SPTBN4: variants seen among roughly 807,000 people sequenced by gnomAD.
The protein encoded by SPTBN4 is spectrin beta chain, non-erythrocytic 4.
SPTBN4 carries 96 observed loss-of-function variants against 277.8 expected under a neutral mutation model. The observed-to-expected ratio is 0.35, with a 90% CI of 0.29 to 0.41. The LOEUF is 0.41. SPTBN4 is among the 10% of genes least tolerant of loss of function. The pLI is 1.00. For synonymous variants in SPTBN4, 1,481 were observed against 1,580.3 expected (o/e 0.94, Z 1.49); for missense variants, 3,006 against 3,595.7 (o/e 0.84, Z 4.19).
At chr19:40,565,640 C>G in intron 28 of SPTBN4, 21 bp from the exon 29 acceptor site, 1 of 1,554,902 alleles carries the variant, frequency 6.4e-7, no homozygotes, top group South Asian at 1.2e-5. Flanking sequence ...GACTTCCCTC[C>G]CACCCACCTG....
chr19:40,560,580 C>A lies in SPTBN4; in HGVS notation c.5915+177C>A, dbSNP rs1447385550. On this transcript the variant is annotated intron_variant, in intron 27 of 35. Transcript: ENST00000598249. The surrounding 1 kb of genome is among the most constrained non-coding windows in gnomAD (Gnocchi z 5.2). ...TGTGTATTCAGACCCCTTTTTTAGG[C>A]CTGTCATTGGGGACTTCGGTCATGG... 11 of 1,475,422 alleles carry A rather than the reference C, an allele frequency of 7.5e-6. No individual in the cohort carries two copies. Among genetic ancestry groups the A allele is most frequent in the South Asian group, 1.4e-5 (1 of 72,350 alleles). The allele number at this position is 1,475,422 out of a possible 1,614,324, so 91.4% of individuals were successfully genotyped here. A position where few individuals can be genotyped will look rare whatever the true frequency, so the allele number is the denominator to read the frequency against.
intron 1 of SPTBN4, among the ~76,000 whole-genome samples, chr19:40,469,482 C>A (rs569862594): frequency 6.6e-6 from 1 of 151,800 alleles, no homozygotes; most frequent in East Asian, 1.9e-4. Context: ...CCAGGCTGGT[C>A]TTGAACTCCT....
In SPTBN4 at chr19:40,502,459, T is replaced by A; in HGVS notation, c.1155T>A (p.Arg385=). The change falls in exon 10 of 36, where the codon CGT becomes CGA. Residue 385 remains arginine, a synonymous_variant. Coordinates refer to ENST00000598249, the MANE Select transcript of SPTBN4 (RefSeq NM_020971.3). This position sits in a 1 kb window ranked among gnomAD's most constrained non-coding sequence, Gnocchi z 4.9. ...SIQSKLRACN[R]RLFVPREGCG... ...AGAGCAAACTGCGTGCCTGCAACCG[T>A]CGCCTCTTTGTGCCTCGGGAGGGCT... 6.2e-7 allele frequency: 1 copy of A among 1,613,662 alleles called. No homozygotes were observed. Among genetic ancestry groups the A allele is most frequent in the Non-Finnish European group, 8.5e-7 (1 of 1,179,978 alleles).
chr19:40,550,613 CT>C (rs992419970), intron 22 of SPTBN4, among the ~76,000 whole-genome samples: 1 of 151,448 alleles, frequency 6.6e-6, no homozygotes, highest in African/African-American at 2.4e-5. Flanking sequence ...AGCGATTCTC[CT>C]GCCTCAGCCA....
chr19:40,568,241 C>A lies in SPTBN4; in HGVS notation c.6915C>A (p.Ser2305=). The A allele has an allele frequency of 6.2e-7, 1 of 1,601,922 alleles. No individual in the cohort carries two copies. Among genetic ancestry groups the A allele is most frequent in the Non-Finnish European group, 8.5e-7 (1 of 1,174,774 alleles). The change falls in exon 31 of 36, where the codon TCC becomes TCA. Residue 2305 remains serine (S), a synonymous_variant. Coordinates refer to ENST00000598249, the MANE Select transcript of SPTBN4 (RefSeq NM_020971.3). Reference sequence around the variant, plus strand: ...AGCGGCGCTTGGAGCGGCAGGAGTCCAGCGAACAGGAGATGCCCATCAGAG... The same window carrying A: ...AGCGGCGCTTGGAGCGGCAGGAGTCAAGCGAACAGGAGATGCCCATCAGAG... ...RRERRLERQE[S]SEQEMPIRGD... is the part of the protein sequence containing the mutation.
At chr19:40,478,059 C>T (rs201693822) in intron 2 of SPTBN4, among the ~76,000 whole-genome samples, 5 of 151,894 alleles carry the variant, frequency 3.3e-5, no homozygotes, top group African/African-American at 9.7e-5. Context: ...AGGCTGGTCT[C>T]GAACTCCTGA....
intron 13 of SPTBN4, among the ~76,000 whole-genome samples, chr19:40,506,669 C>T (rs546461791): frequency 6.6e-5 from 10 of 152,246 alleles, no homozygotes; most frequent in South Asian, 4.1e-4. Context: ...TTGATCTCAA[C>T]GAATACCATT....
chr19:40,563,184 C>G lies in SPTBN4; in HGVS notation c.5916-2239C>G, dbSNP rs554841217. ...CCATGATTATGCCATTTCACTCCAGCCTGGGTGACAGAGCGAGATTCTGTC... is the reference window on the plus strand; with the variant it reads ...CCATGATTATGCCATTTCACTCCAGGCTGGGTGACAGAGCGAGATTCTGTC... On this transcript the variant is annotated intron_variant, in intron 27 of 35. Transcript: ENST00000598249. 7.9e-5 allele frequency among the ~76,000 whole-genome samples: 12 copies of G among 152,162 alleles called. No homozygotes were observed. In the South Asian group the frequency reaches 2.3e-3, roughly 29 times the overall value.
chr19:40,472,009 C>T (rs1049743553), intron 1 of SPTBN4, among the ~76,000 whole-genome samples: 1 of 150,384 alleles, frequency 6.6e-6, no homozygotes, highest in African/African-American at 2.4e-5. Flanking sequence ...CTCCCGGGTT[C>T]AAGCGCTTCT....
intron 34 of SPTBN4, 66 bp from the exon 35 acceptor site, chr19:40,572,272 C>T (rs2145962531): frequency 1.2e-6 from 2 of 1,607,138 alleles, no homozygotes; most frequent in Admixed American, 3.3e-5. Flanking sequence ...CCCTGGGGGA[C>T]ACTTGGTGGG....
At chr19:40,472,899 G>C in intron 2 of SPTBN4, 109 bp downstream of exon 2, 1 of 1,129,742 alleles carries the variant, frequency 8.9e-7, no homozygotes, top group African/African-American at 1.6e-5. Flanking sequence ...CTGTCCAATA[G>C]AACTTTCCAT....
intron 35 of SPTBN4, among the ~76,000 whole-genome samples, chr19:40,574,183 G>A (rs541292482): frequency 1.3e-5 from 2 of 152,034 alleles, no homozygotes; most frequent in South Asian, 4.1e-4. Context: ...GGGTAGCCCA[G>A]GCCGCGGCCA....
intron 20 of SPTBN4, among the ~76,000 whole-genome samples, chr19:40,546,857 C>T (rs534148885): frequency 6.6e-6 from 1 of 152,224 alleles, no homozygotes; most frequent in South Asian, 2.1e-4. Context: ...AAAACACACA[C>T]ACACAAATCA....
Position 40,523,850 on chromosome 19 carries a change from C to A in SPTBN4, c.3857+211C>A, listed in dbSNP as rs141610338. Among the ~76,000 whole-genome samples, 336 of 152,232 alleles carry A rather than the reference C, an allele frequency of 2.2e-3. 1 individual carries two copies. Among genetic ancestry groups the A allele is most frequent in the Non-Finnish European group, 3.5e-3 (239 of 68,020 alleles). On this transcript the variant is annotated intron_variant, in intron 17 of 35. Coordinates refer to ENST00000598249, the MANE Select transcript of SPTBN4 (RefSeq NM_020971.3). Reference sequence around the variant, plus strand: ...ACGGGGTCTCACTGTGTTGCCCAGGCTGGAGTGCAGTAGCACGATCTCGGC... The same window carrying A: ...ACGGGGTCTCACTGTGTTGCCCAGGATGGAGTGCAGTAGCACGATCTCGGC...
At chr19:40,530,864 G>A (rs2080661128) in intron 18 of SPTBN4, 1 of 151,944 alleles carries the variant, frequency 6.6e-6, no homozygotes, top group Admixed American at 6.5e-5. Flanking sequence ...AGGGTAATCT[G>A]GATTTGCCCT....
In SPTBN4 at chr19:40,494,957, T is replaced by C. The variant is rs1237666925; in HGVS notation, c.648T>C (p.Asn216=). 1 of 1,614,140 alleles carries C rather than the reference T, an allele frequency of 6.2e-7. No homozygotes were observed. The highest frequency in any genetic ancestry group is 2.2e-5 in the East Asian group (1 of 44,874). The change falls in exon 6 of 36, where the codon AAT becomes AAC. Residue 216 remains asparagine (N), a synonymous_variant. Coordinates refer to ENST00000598249, the MANE Select transcript of SPTBN4 (RefSeq NM_020971.3). ...TTSWRDGLAF[N]ALIHRHRPDL... ...GCTGGCGGGATGGCTTGGCCTTCAATGCCCTCATTCACCGGCACAGGTACC... is the reference window on the plus strand; with the variant it reads ...GCTGGCGGGATGGCTTGGCCTTCAACGCCCTCATTCACCGGCACAGGTACC...
intron 2 of SPTBN4, among the ~76,000 whole-genome samples, chr19:40,483,780 A>C (rs2080038405): frequency 6.6e-6 from 1 of 152,190 alleles, no homozygotes; most frequent in South Asian, 2.1e-4. Flanking sequence ...GTGGAATTTT[A>C]GTGCATCCCT....
chr19:40,490,734 G>A lies in SPTBN4; in HGVS notation c.495+486G>A, dbSNP rs1377486738. Among the ~76,000 whole-genome samples, 1 of 152,154 alleles carries A rather than the reference G, an allele frequency of 6.6e-6. No homozygotes were observed. The highest frequency in any genetic ancestry group is 1.5e-5 in the Non-Finnish European group (1 of 68,020). ...TGTAAAGAAGACATGTATGGAAAAA[G>A]GACCAGTTCTAGTTAGAGAAGTTTA... On this transcript the variant is annotated intron_variant, in intron 4 of 35. Transcript: ENST00000598249. This position sits in a 1 kb window ranked among gnomAD's most constrained non-coding sequence, Gnocchi z 4.3.
chr19:40,506,228 G>C lies in SPTBN4; in HGVS notation c.1666-8G>C. ...CAGAGGTGTGCTCAGTGCTGTCCCC[G>C]CTTGTAGGCTCAGCTGCTGTCCCGG... On this transcript the variant is annotated splice_polypyrimidine_tract_variant and splice_region_variant and intron_variant, in intron 12 of 35. Coordinates refer to ENST00000598249, the MANE Select transcript of SPTBN4 (RefSeq NM_020971.3). 1.2e-6 allele frequency: 2 copies of C among 1,607,848 alleles called. No homozygotes were observed. The highest frequency in any genetic ancestry group is 1.7e-6 in the Non-Finnish European group (2 of 1,176,530).
Sources: allele counts gnomAD v4.1 joint callset (sites outside exome capture counted in the v4.1 genomes callset), GRCh38; gene constraint gnomAD v4.1.1; non-coding constraint Gnocchi (gnomAD v3.1); transcripts MANE v1.5; gene names NCBI Gene and HGNC (gene_info 2026-07-23, HGNC 2026-07-21).